The following GPR89A variants were observed in gnomAD, a reference collection of about 807,000 sequenced individuals.
GPR89A encodes golgi pH regulator A, also known as G protein-coupled receptor 89A.
GPR89A carries 16 observed loss-of-function variants against 52.0 expected under a neutral mutation model. The observed-to-expected ratio is 0.31, with a 90% CI of 0.21 to 0.47. The LOEUF is 0.47. GPR89A is among the 20% of genes least tolerant of loss of function. GPR89A has a pLI of 1.00. For missense variants in GPR89A, 135 were observed against 449.4 expected (o/e 0.30, Z 6.33); for synonymous variants, 55 against 150.9 (o/e 0.36, Z 4.66).
intron 1 of GPR89A, among the ~76,000 whole-genome samples, chr1:145,609,714 GCTTT>G (rs1329816715): frequency 1.3e-5 from 2 of 152,170 alleles, no homozygotes; most frequent in Non-Finnish European, 2.9e-5. Context: ...CGAGGAAGTG[GCTTT>G]CTAATTTTGT....
chr1:145,657,180 G>C (rs1413322478), intron 10 of GPR89A, among the ~76,000 whole-genome samples: 1 of 149,190 alleles, frequency 6.7e-6, no homozygotes, highest in Admixed American at 6.6e-5. Context: ...GACTGCTTGA[G>C]GCCAGGAATT....
chr1:145,646,966 A>G, intron 9 of GPR89A: 1 of 639,808 alleles, frequency 1.6e-6, no homozygotes, highest in South Asian at 2.1e-5. Flanking sequence ...GATTAAGTGG[A>G]TAATGCATGT....
chr1:145,620,676 T>G (rs1353863758), intron 3 of GPR89A, among the ~76,000 whole-genome samples: 1 of 150,000 alleles, frequency 6.7e-6, no homozygotes, highest in Non-Finnish European at 1.5e-5. Context: ...TGAACCTTGA[T>G]GATGTATAAC....
chr1:145,614,164 C>G lies in GPR89A; in HGVS notation c.43-2070C>G, dbSNP rs1418568231. Among the ~76,000 whole-genome samples the G allele has an allele frequency of 3.7e-3, 555 of 151,830 alleles. 1 individual carries two copies. The highest frequency in any genetic ancestry group is 0.013 in the African/African-American group (515 of 41,174). ...TGACTGTGTGATGAATACCTTGAAACCACTCTAGAAAAATGCACATAACCC... is the reference window on the plus strand; with the variant it reads ...TGACTGTGTGATGAATACCTTGAAAGCACTCTAGAAAAATGCACATAACCC... On this transcript the variant is annotated intron_variant, in intron 1 of 13. Transcript: ENST00000313835.
Position 145,664,786 on chromosome 1 carries a change from T to C in GPR89A, c.1006-776T>C, listed in dbSNP as rs1198436025. Reference sequence around the variant, plus strand: ...CTTACATGGCCATGTATATATTTCATCTGTAATTCATCTGTTTATGCTATA... The same window carrying C: ...CTTACATGGCCATGTATATATTTCACCTGTAATTCATCTGTTTATGCTATA... On this transcript the variant is annotated intron_variant, in intron 11 of 13. Transcript: ENST00000313835. Among the ~76,000 whole-genome samples, 3 of 150,600 alleles carry C rather than the reference T, an allele frequency of 2.0e-5. No homozygotes were observed. In the East Asian group the frequency reaches 5.8e-4, roughly 29 times the overall value.
At position 145,608,194 on chromosome 1, in the gene GPR89A, C is replaced by T. The variant is rs1553685305; in HGVS notation, c.42+19C>T. ...CTCCCAGGTGAGTCACCGCCTCCCG[C>T]CCCGACACCCGTCCGCCTCCCTTTA... is the stretch of plus-strand genomic sequence containing the variant. On this transcript the variant is annotated intron_variant, in intron 1 of 13. Coordinates refer to ENST00000313835, the MANE Select transcript of GPR89A (RefSeq NM_001097612.2). 2 of 1,613,842 alleles carry T rather than the reference C, an allele frequency of 1.2e-6. No homozygotes were observed. The highest frequency in any genetic ancestry group is 1.7e-6 in the Non-Finnish European group (2 of 1,179,808).
intron 1 of GPR89A, 68 bp from the exon 2 acceptor site, chr1:145,616,166 A>T (rs1648675479): frequency 9.2e-6 from 10 of 1,091,372 alleles, no homozygotes; most frequent in Admixed American, 2.0e-5. Flanking sequence ...TTTTATCATA[A>T]AAGAGTTTCT....
chr1:145,644,535 A>G (rs1211019844), intron 8 of GPR89A: 1 of 151,208 alleles, frequency 6.6e-6, no homozygotes, highest in African/African-American at 2.6e-5. Context: ...ACTTGAACCC[A>G]GGAGTTCAAG....
chr1:145,654,376 A>AC (rs1310435823), intron 10 of GPR89A, among the ~76,000 whole-genome samples: 1 of 151,462 alleles, frequency 6.6e-6, no homozygotes, highest in African/African-American at 2.4e-5. Flanking sequence ...ACACGGTGAA[A>AC]CCCCATCTCT....
At chr1:145,658,084 C>T (rs1218683695) in intron 10 of GPR89A, among the ~76,000 whole-genome samples, 4 of 151,412 alleles carry the variant, frequency 2.6e-5, no homozygotes, top group Admixed American at 6.6e-5. Flanking sequence ...GTAGATTTCC[C>T]TATTCTGGAT....
intron 7 of GPR89A, among the ~76,000 whole-genome samples, chr1:145,632,768 G>A (rs1260113460): frequency 1.2e-4 from 19 of 152,138 alleles, no homozygotes; most frequent in African/African-American, 4.6e-4. Context: ...ATACTAAGAA[G>A]TGGGATTGCT....
chr1:145,638,845 C>T (rs1431369642), intron 7 of GPR89A, among the ~76,000 whole-genome samples: 1 of 138,318 alleles, frequency 7.2e-6, no homozygotes, highest in African/African-American at 2.9e-5. Context: ...TCAGTTGTAG[C>T]CAGGAGCAGT....
intron 2 of GPR89A, among the ~76,000 whole-genome samples, chr1:145,617,632 A>C (rs1648812633): frequency 1.3e-5 from 2 of 152,092 alleles, no homozygotes; most frequent in South Asian, 4.2e-4. Flanking sequence ...TTTGGGAACT[A>C]ATAAATGTCC....
chr1:145,643,155 TTTTG>T (rs1293679105), intron 7 of GPR89A, among the ~76,000 whole-genome samples: 43 of 151,294 alleles, frequency 2.8e-4, no homozygotes, highest in African/African-American at 9.5e-4. Flanking sequence ...AGCTGGTTTT[TTTTG>T]TTTGTTTGTT....
intron 10 of GPR89A, among the ~76,000 whole-genome samples, chr1:145,656,461 C>T (rs1651816380): frequency 6.6e-6 from 1 of 152,182 alleles, no homozygotes; most frequent in African/African-American, 2.4e-5. Context: ...CCCTGCTTTT[C>T]CTCGCTCTCC....
chr1:145,617,390 AAC>A (rs1193518802), intron 2 of GPR89A, among the ~76,000 whole-genome samples: 1 of 152,078 alleles, frequency 6.6e-6, no homozygotes, highest in Admixed American at 6.5e-5. Context: ...ATATTGTTCA[AAC>A]ACACATGTTT....
chr1:145,669,069 C>G (rs1311927521), intron 12 of GPR89A, among the ~76,000 whole-genome samples: 1 of 151,580 alleles, frequency 6.6e-6, no homozygotes, highest in Non-Finnish European at 1.5e-5. Flanking sequence ...AGGATGATAC[C>G]CTAACTCATT....
chr1:145,639,756 A>AAG (rs1553691411), intron 7 of GPR89A, among the ~76,000 whole-genome samples: 2 of 149,694 alleles, frequency 1.3e-5, no homozygotes, highest in African/African-American at 4.9e-5. Flanking sequence ...CAAAAAAAAA[A>AAG]AAAAGAAAAG....
chr1:145,632,218 A>G (rs587761718), intron 7 of GPR89A, among the ~76,000 whole-genome samples: 42 of 152,298 alleles, frequency 2.8e-4, no homozygotes, highest in Middle Eastern at 3.4e-3. Context: ...TAACATATCT[A>G]TCACCTCACA....
Sources: allele counts gnomAD v4.1 joint callset (sites outside exome capture counted in the v4.1 genomes callset), GRCh38; gene constraint gnomAD v4.1.1; transcripts MANE v1.5; gene names NCBI Gene and HGNC (gene_info 2026-07-23, HGNC 2026-07-21).